TLE1: variants seen among roughly 807,000 people sequenced by gnomAD.
TLE1 encodes transducin-like enhancer protein 1.
A neutral mutation model predicts 89.8 loss-of-function variants in TLE1; 21 were observed. That is an observed-to-expected ratio of 0.23 (90% CI 0.17 to 0.34). The LOEUF (loss-of-function observed/expected upper bound fraction) is 0.34. TLE1 is among the 10% of genes least tolerant of loss of function. TLE1 has a pLI of 1.00. For missense variants in TLE1, 795 were observed against 1,031.2 expected, an observed-to-expected ratio of 0.77 and a Z score of 3.14; for synonymous variants, 447 against 407.6, an observed-to-expected ratio of 1.10 and a Z score of -1.16.
chr9:81,626,132 T>C (rs962511362), intron 8 of TLE1, among the ~76,000 whole-genome samples: 5 of 152,108 alleles, frequency 3.3e-5, no homozygotes, highest in Admixed American at 2.0e-4. Flanking sequence ...ATAAAGCACA[T>C]TATTCAAATG....
At chr9:81,680,804 T>C (rs1588251578) in intron 4 of TLE1, among the ~76,000 whole-genome samples, 2 of 152,118 alleles carry the variant, frequency 1.3e-5, no homozygotes, top group South Asian at 2.1e-4. Context: ...GACAAGATTA[T>C]TAACACCTGC....
intron 6 of TLE1, among the ~76,000 whole-genome samples, chr9:81,636,998 G>A (rs1272313795): frequency 6.5e-5 from 9 of 139,286 alleles, no homozygotes; most frequent in Non-Finnish European, 1.1e-4. Context: ...GGGAGACTCC[G>A]TCTCAAAAAA....
chr9:81,662,361 T>TTGTTTGTGTGTG (rs1554694311), intron 4 of TLE1, among the ~76,000 whole-genome samples: 8 of 138,360 alleles, frequency 5.8e-5, no homozygotes, highest in African/African-American at 2.2e-4. Context: ...TGTGCCTGTT[T>TTGTTTGTGTGTG]TGTGTGTGTG....
At chr9:81,675,965 C>T (rs1434157704) in intron 4 of TLE1, among the ~76,000 whole-genome samples, 2 of 152,226 alleles carry the variant, frequency 1.3e-5, no homozygotes, top group Admixed American at 6.5e-5. Flanking sequence ...TCCCAAAGTG[C>T]TGGGATTACG....
At chr9:81,656,219 A>C (rs944518060) in intron 4 of TLE1, among the ~76,000 whole-genome samples, 4 of 152,146 alleles carry the variant, frequency 2.6e-5, no homozygotes, top group Non-Finnish European at 5.9e-5. Context: ...ACAGCCACCC[A>C]CTCAAGCTAC....
At chr9:81,605,484 G>C (rs547642180) in intron 14 of TLE1, among the ~76,000 whole-genome samples, 1 of 152,238 alleles carries the variant, frequency 6.6e-6, no homozygotes. Flanking sequence ...AGTTTGAGCA[G>C]CACTGCCTCA....
chr9:81,612,724 T>C (rs1484319770), intron 12 of TLE1, among the ~76,000 whole-genome samples: 1 of 152,126 alleles, frequency 6.6e-6, no homozygotes, highest in Non-Finnish European at 1.5e-5. Flanking sequence ...AAAATAATTA[T>C]CAGAAACTTT....
chr9:81,634,361 G>T, intron 6 of TLE1, 60 bp from the exon 7 acceptor site: 1 of 1,353,506 alleles, frequency 7.4e-7, no homozygotes, highest in South Asian at 1.8e-5. Context: ...TGGTGACAGT[G>T]ATGGCGATGG....
chr9:81,664,499 T>TA (rs1831210579), intron 4 of TLE1, among the ~76,000 whole-genome samples: 1 of 152,186 alleles, frequency 6.6e-6, no homozygotes, highest in Non-Finnish European at 1.5e-5. Flanking sequence ...TGTGTCTGAG[T>TA]AGCTTTTGTT....
intron 4 of TLE1, among the ~76,000 whole-genome samples, chr9:81,661,204 T>TTTTATATATATATGTA (rs1564045713): frequency 2.7e-4 from 5 of 18,208 alleles, no homozygotes; most frequent in South Asian, 3.0e-3. Flanking sequence ...ATATATGTAT[T>TTTTATATATATATGTA]TTTATATATA....
intron 14 of TLE1, among the ~76,000 whole-genome samples, chr9:81,603,551 A>G (rs934216769): frequency 6.6e-6 from 1 of 152,188 alleles, no homozygotes; most frequent in Non-Finnish European, 1.5e-5. Context: ...CAACACTAAA[A>G]GGGATTTCCA....
chr9:81,626,536 T>C (rs993672265), intron 8 of TLE1, among the ~76,000 whole-genome samples: 2 of 152,242 alleles, frequency 1.3e-5, no homozygotes, highest in African/African-American at 2.4e-5. Flanking sequence ...GTTGAAAATC[T>C]GTCCACTGGC....
At chr9:81,661,206 T>TA in intron 4 of TLE1, among the ~76,000 whole-genome samples, 1 of 136,388 alleles carries the variant, frequency 7.3e-6, no homozygotes, top group Non-Finnish European at 1.6e-5. Flanking sequence ...ATATGTATTT[T>TA]TATATATATA....
chr9:81,685,958 C>A, intron 2 of TLE1, 62 bp from the exon 3 acceptor site: 1 of 1,559,216 alleles, frequency 6.4e-7, no homozygotes, highest in Non-Finnish European at 8.8e-7. Context: ...ACATCTGCCT[C>A]ACATATTTGC....
chr9:81,597,303 C>G (rs143088790), intron 14 of TLE1, among the ~76,000 whole-genome samples: 2 of 151,878 alleles, frequency 1.3e-5, no homozygotes, highest in African/African-American at 4.8e-5. Flanking sequence ...AGTGAAGATA[C>G]GTTGAATTGA....
At chr9:81,661,159 A>T (rs1044713473) in intron 4 of TLE1, among the ~76,000 whole-genome samples, 6 of 142,574 alleles carry the variant, frequency 4.2e-5, no homozygotes, top group African/African-American at 1.5e-4. Flanking sequence ...AAAAATAAAA[A>T]ATACATATAT....
chr9:81,664,198 T>G (rs1261086484), intron 4 of TLE1, among the ~76,000 whole-genome samples: 10 of 151,398 alleles, frequency 6.6e-5, no homozygotes, highest in Non-Finnish European at 1.5e-5. Context: ...ATGGATCACT[T>G]GAGGCCAGGA....
intron 2 of TLE1, among the ~76,000 whole-genome samples, chr9:81,686,484 T>G (rs554276584): frequency 2.0e-5 from 3 of 152,150 alleles, no homozygotes; most frequent in Admixed American, 6.5e-5. Flanking sequence ...TATCTACAAG[T>G]AGACAAAAGG....
chr9:81,589,515 C>T (rs1829158376), intron 16 of TLE1, among the ~76,000 whole-genome samples: 1 of 152,148 alleles, frequency 6.6e-6, no homozygotes, highest in South Asian at 2.1e-4. Context: ...CAGGTATTTA[C>T]TCCCCAGGAG....
Sources: allele counts gnomAD v4.1 joint callset (sites outside exome capture counted in the v4.1 genomes callset), GRCh38; gene constraint gnomAD v4.1.1; transcripts MANE v1.5; gene names NCBI Gene and HGNC (gene_info 2026-07-23, HGNC 2026-07-21).